Variants in LRRC4C observed in about 807,000 individuals in gnomAD.
LRRC4C encodes leucine rich repeat containing 4C.
In LRRC4C, 5 loss-of-function variants were observed where a neutral mutation model predicts 33.6. The ratio of observed to expected loss-of-function variants is 0.15; its 90% confidence interval spans 0.08 to 0.31. LRRC4C has a LOEUF of 0.31. Among genes scored for constraint, LRRC4C ranks in the 10% least tolerant of loss-of-function variants. The probability of loss-of-function intolerance (pLI) is 1.00; values close to 1 mark genes in which losing one functional copy is unlikely to be tolerated. For synonymous variants in LRRC4C, 329 were observed against 302.0 expected (o/e 1.09, Z -0.93); for missense variants, 560 against 796.7 (o/e 0.70, Z 3.58).
intron 2 of LRRC4C, among the ~76,000 whole-genome samples, chr11:40,808,964 C>T (rs1234746948): frequency 6.6e-6 from 1 of 152,112 alleles, no homozygotes; most frequent in Non-Finnish European, 1.5e-5. Context: ...ACTACCCAAC[C>T]TCTCTCCCCT....
intron 1 of LRRC4C, among the ~76,000 whole-genome samples, chr11:41,436,847 C>A (rs186888199): frequency 1.3e-5 from 2 of 152,250 alleles, no homozygotes; most frequent in Admixed American, 1.3e-4. Flanking sequence ...CTTTTAACAT[C>A]CTGAAATGAG....
At chr11:40,966,241 C>T (rs1446765303) in intron 1 of LRRC4C, among the ~76,000 whole-genome samples, 5 of 152,010 alleles carry the variant, frequency 3.3e-5, no homozygotes, top group African/African-American at 9.6e-5. Context: ...TACACTTTAC[C>T]TATTTTTACA....
chr11:40,821,663 A>G (rs1415262212), intron 2 of LRRC4C, among the ~76,000 whole-genome samples: 1 of 151,604 alleles, frequency 6.6e-6, no homozygotes, highest in Non-Finnish European at 1.5e-5. Context: ...TAATAAATAA[A>G]TAAATAATAA....
chr11:40,565,934 C>G (rs747081378), intron 3 of LRRC4C, among the ~76,000 whole-genome samples: 27 of 151,894 alleles, frequency 1.8e-4, no homozygotes, highest in African/African-American at 5.1e-4. Flanking sequence ...TTTAGATATA[C>G]CCAATACAAC....
intron 2 of LRRC4C, among the ~76,000 whole-genome samples, chr11:40,715,170 T>C (rs1293988721): frequency 6.6e-6 from 1 of 152,164 alleles, no homozygotes; most frequent in African/African-American, 2.4e-5. Context: ...CATATGCTAC[T>C]CTCAGACTAT....
intron 1 of LRRC4C, among the ~76,000 whole-genome samples, chr11:41,314,012 T>C (rs1192009328): frequency 2.0e-5 from 3 of 152,208 alleles, no homozygotes; most frequent in Non-Finnish European, 4.4e-5. Context: ...CACTAATGCC[T>C]TCATAGGCAG....
chr11:41,455,772 T>C (rs1466600131), intron 1 of LRRC4C, among the ~76,000 whole-genome samples: 2 of 152,190 alleles, frequency 1.3e-5, no homozygotes, highest in Non-Finnish European at 2.9e-5. Flanking sequence ...GAGTTAAGAA[T>C]AGTTATTTCC....
chr11:41,257,587 G>A (rs2136696396), intron 1 of LRRC4C, among the ~76,000 whole-genome samples: 1 of 152,182 alleles, frequency 6.6e-6, no homozygotes, highest in Non-Finnish European at 1.5e-5. Flanking sequence ...ACTGGTTTAT[G>A]ACTTATACAC....
intron 5 of LRRC4C, among the ~76,000 whole-genome samples, chr11:40,206,915 G>A (rs1316843666): frequency 6.6e-6 from 1 of 151,998 alleles, no homozygotes; most frequent in Non-Finnish European, 1.5e-5. Context: ...ATAGATAAGA[G>A]GCATAAACCT....
intron 3 of LRRC4C, among the ~76,000 whole-genome samples, chr11:40,336,303 G>A (rs921119959): frequency 1.3e-5 from 2 of 152,146 alleles, no homozygotes; most frequent in East Asian, 1.9e-4. Flanking sequence ...ACTGAGTTGC[G>A]GCCGAAAGAG....
At position 41,279,428 on chromosome 11, in the gene LRRC4C, A is replaced by ACACACACACCCC. The variant is rs58139193; in HGVS notation, c.-496+180002_-496+180003insGGGGTGTGTGTG. On this transcript the variant is annotated intron_variant, in intron 1 of 6. Coordinates refer to ENST00000528697, the MANE Select transcript of LRRC4C (RefSeq NM_001258419.2). ...CACACACACACACACACACACACAC[A>ACACACACACCCC]CCGTGGCAATCACTGCCTGCAATGG... Among the ~76,000 whole-genome samples, 281 of 140,878 alleles carry ACACACACACCCC rather than the reference A, an allele frequency of 2.0e-3. 2 individuals are homozygous for ACACACACACCCC. The highest frequency in any genetic ancestry group is 0.015 in the Middle Eastern group (4 of 274). The allele number at this position is 140,878 out of a possible 152,430, so 92.4% of individuals were successfully genotyped here.
At chr11:40,465,704 C>T (rs1022558736) in intron 3 of LRRC4C, among the ~76,000 whole-genome samples, 18 of 152,038 alleles carry the variant, frequency 1.2e-4, no homozygotes, top group East Asian at 1.9e-4. Flanking sequence ...AAATGCTCAA[C>T]GTTATTAATC....
chr11:41,323,390 T>C (rs1281270408), intron 1 of LRRC4C, among the ~76,000 whole-genome samples: 2 of 152,212 alleles, frequency 1.3e-5, no homozygotes, highest in Non-Finnish European at 2.9e-5. Flanking sequence ...ATACAAGTTT[T>C]CTGATTTAAA....
chr11:41,280,255 CTGTTGCA>C (rs1370547204), intron 1 of LRRC4C, among the ~76,000 whole-genome samples: 1 of 152,196 alleles, frequency 6.6e-6, no homozygotes, highest in Non-Finnish European at 1.5e-5. Flanking sequence ...CAGGCTTCAT[CTGTTGCA>C]TGTGGCAAAG....
Position 40,131,297 on chromosome 11 carries a change from A to G in LRRC4C, c.-43+9504T>C, listed in dbSNP as rs113933104. On this transcript the variant is annotated intron_variant, in intron 6 of 6. Coordinates refer to ENST00000528697, the MANE Select transcript of LRRC4C (RefSeq NM_001258419.2). ...GTTTAAATGGCAAAGAGAGGGCTCA[A>G]TAATTACTCCTTGTCACCCTCCATA... 3.3e-3 allele frequency among the ~76,000 whole-genome samples: 499 copies of G among 152,336 alleles called. 6 individuals are homozygous for G. The highest frequency in any genetic ancestry group is 0.012 in the African/African-American group (482 of 41,586).
chr11:40,837,308 A>G (rs1056681923), intron 2 of LRRC4C, among the ~76,000 whole-genome samples: 5 of 152,130 alleles, frequency 3.3e-5, no homozygotes, highest in Admixed American at 2.6e-4. Flanking sequence ...TTAAATATAT[A>G]AAAATAAACT....
intron 1 of LRRC4C, among the ~76,000 whole-genome samples, chr11:41,363,980 A>G (rs1952445686): frequency 6.6e-6 from 1 of 152,204 alleles, no homozygotes; most frequent in African/African-American, 2.4e-5. Flanking sequence ...ATAAGGAGTT[A>G]AATAAAGCAT....
intron 1 of LRRC4C, among the ~76,000 whole-genome samples, chr11:41,189,691 C>T (rs779191087): frequency 5.3e-5 from 8 of 152,106 alleles, no homozygotes; most frequent in Non-Finnish European, 1.2e-4. Context: ...GAGAAATGGA[C>T]AGGCATAAGG....
intron 5 of LRRC4C, among the ~76,000 whole-genome samples, chr11:40,214,716 T>A (rs1024296297): frequency 6.6e-6 from 1 of 152,148 alleles, no homozygotes; most frequent in African/African-American, 2.4e-5. Flanking sequence ...GGCATCCTGA[T>A]CCCAGACTCC....
Sources: allele counts gnomAD v4.1 joint callset (sites outside exome capture counted in the v4.1 genomes callset), GRCh38; gene constraint gnomAD v4.1.1; transcripts MANE v1.5; gene names NCBI Gene and HGNC (gene_info 2026-07-23, HGNC 2026-07-21).